MID2: variants seen among roughly 807,000 people sequenced by gnomAD.
MID2 encodes midline 2.
A neutral mutation model predicts 46.1 loss-of-function variants in MID2; 13 were observed. The ratio of observed to expected loss-of-function variants is 0.28; its 90% confidence interval spans 0.18 to 0.45. The LOEUF is 0.45. Among genes scored for constraint, MID2 ranks in the 20% least tolerant of loss-of-function variants. The pLI is 1.00. For missense variants in MID2, 431 were observed against 575.4 expected (o/e 0.75, Z 2.57); for synonymous variants, 199 against 212.3 (o/e 0.94, Z 0.55).
chrX:107,840,511 G>A (rs1326029090), intron 1 of MID2, among the ~76,000 whole-genome samples, 159 bp from the exon 2 acceptor site: 1 of 112,411 alleles, frequency 8.9e-6, no homozygotes. Context: ...GTTTGAAGGG[G>A]AAGAAAGTCT....
chrX:107,879,363 C>T (rs897419199), intron 3 of MID2, among the ~76,000 whole-genome samples: 4 of 111,471 alleles, frequency 3.6e-5, no homozygotes, highest in South Asian at 3.8e-4. Flanking sequence ...GAAAAGGGGA[C>T]GGAGCAGGAA....
intron 3 of MID2, among the ~76,000 whole-genome samples, chrX:107,885,574 A>G (rs942760573): frequency 3.6e-5 from 4 of 111,457 alleles, no homozygotes; most frequent in Non-Finnish European, 7.5e-5. Flanking sequence ...TAGTGCCACA[A>G]TAAACATACG....
chrX:107,861,136 C>T (rs1388996302), intron 3 of MID2, among the ~76,000 whole-genome samples: 1 of 111,046 alleles, frequency 9.0e-6, no homozygotes, highest in African/African-American at 3.3e-5. Flanking sequence ...AGTCAAGAGA[C>T]GAGGAAAACC....
intron 3 of MID2, among the ~76,000 whole-genome samples, chrX:107,874,620 CT>C (rs1932157247): frequency 9.1e-6 from 1 of 110,394 alleles, no homozygotes; most frequent in Non-Finnish European, 1.9e-5. Context: ...GCAAGGTTTG[CT>C]TTAGTTGGTC....
chrX:107,884,715 C>T (rs1437319156), intron 3 of MID2, among the ~76,000 whole-genome samples: 1 of 112,238 alleles, frequency 8.9e-6, no homozygotes, highest in East Asian at 2.8e-4. Flanking sequence ...AAAAACAGGG[C>T]AGATTAGAAT....
rs779150417 is a variant in MID2, at chrX:107,905,608, C to G, written c.1055C>G (p.Ala352Gly). The G allele has an allele frequency of 8.4e-7, 1 of 1,196,923 alleles. No homozygotes were observed. The highest frequency in any genetic ancestry group is 1.1e-6 in the Non-Finnish European group (1 of 889,727). ...ENDQARFLQS[A>G]KNIAERVAMA... ...GACCAGGCACGGTTTCTACAGTCTG[C>G]AAAAAATATTGCTGAGAGGTCAGTT... is the stretch of plus-strand genomic sequence containing the variant. The change falls in exon 5 of 10, where the codon GCA becomes GGA. Residue 352 changes from alanine (A) to glycine (G), a missense_variant. By Grantham distance (60) the Ala-to-Gly change is moderately conservative. Transcript: ENST00000262843.
chrX:107,845,506 C>A (rs1043223969), intron 2 of MID2, among the ~76,000 whole-genome samples: 1 of 93,946 alleles, frequency 1.1e-5, no homozygotes, highest in Non-Finnish European at 2.0e-5. Context: ...CACACACACA[C>A]ACACACACAC....
Position 107,854,606 on chromosome X carries a change from C to G in MID2, c.721-3C>G. ...TCTGGATTCATACCCTCTGCGATGACAGCAAACTCTGGAGATGAACCTCAC... is the reference window on the plus strand; with the variant it reads ...TCTGGATTCATACCCTCTGCGATGAGAGCAAACTCTGGAGATGAACCTCAC... On this transcript the variant is annotated splice_polypyrimidine_tract_variant and splice_region_variant and intron_variant, in intron 2 of 9. Coordinates refer to ENST00000262843, the MANE Select transcript of MID2 (RefSeq NM_012216.4). 8.3e-7 allele frequency: 1 copy of G among 1,203,231 alleles called. No homozygotes were observed. Among genetic ancestry groups the G allele is most frequent in the Non-Finnish European group, 1.1e-6 (1 of 887,903 alleles).
At chrX:107,836,284 C>T (rs1434365833) in intron 1 of MID2, among the ~76,000 whole-genome samples, 1 of 110,437 alleles carries the variant, frequency 9.1e-6, no homozygotes, top group Non-Finnish European at 1.9e-5. Flanking sequence ...GAGACGGAGC[C>T]TCGCTCTGTT....
chrX:107,858,926 T>C (rs919190190), intron 3 of MID2, among the ~76,000 whole-genome samples: 1 of 111,934 alleles, frequency 8.9e-6, no homozygotes, highest in East Asian at 2.8e-4. Context: ...CACTGCTCTT[T>C]AGCATTAGGA....
intron 5 of MID2, among the ~76,000 whole-genome samples, chrX:107,915,223 A>G (rs1038792286): frequency 6.2e-5 from 7 of 112,268 alleles, no homozygotes; most frequent in African/African-American, 2.3e-4. Flanking sequence ...TCATAGCACT[A>G]TACAATCTGA....
rs771130042 is a variant in MID2 at position 107,899,162 on chromosome X, T to G, written c.817-4796T>G. On this transcript the variant is annotated intron_variant, in intron 3 of 9. Coordinates refer to ENST00000262843, the MANE Select transcript of MID2 (RefSeq NM_012216.4). Reference sequence around the variant, plus strand: ...TAACTATAGAATGAGCAATGGAATATCTCCCCTGCCCCCTCCCCCTCCCCC... The same window carrying G: ...TAACTATAGAATGAGCAATGGAATAGCTCCCCTGCCCCCTCCCCCTCCCCC... Among the ~76,000 whole-genome samples the G allele has an allele frequency of 5.9e-3, 598 of 101,153 alleles. 16 individuals carry two copies. Among genetic ancestry groups the G allele is most frequent in the African/African-American group, 0.022 (561 of 25,494 alleles). 87.8% of individuals were successfully genotyped at this position (101,153 alleles called of 115,157 possible). A position where few individuals can be genotyped will look rare whatever the true frequency, so the allele number is the denominator to read the frequency against.
Position 107,924,332 on chromosome X carries a change from C to T in MID2, c.1436-11C>T. On this transcript the variant is annotated splice_polypyrimidine_tract_variant and intron_variant, in intron 7 of 9. Coordinates refer to ENST00000262843, the MANE Select transcript of MID2 (RefSeq NM_012216.4). ...TGCTGGTTAATGTCCTTGTCTTTCC[C>T]CATGTTACAGGCCTGTATAATTCAG... is the stretch of plus-strand genomic sequence containing the variant. The T allele has an allele frequency of 1.7e-6, 2 of 1,196,612 alleles. No homozygotes were observed. The highest frequency in any genetic ancestry group is 2.3e-6 in the Non-Finnish European group (2 of 885,144).
intron 3 of MID2, among the ~76,000 whole-genome samples, chrX:107,878,840 C>T (rs759889308): frequency 8.9e-6 from 1 of 112,454 alleles, no homozygotes; most frequent in South Asian, 3.7e-4. Context: ...TTTGCATTTA[C>T]TCACCCTTCT....
chrX:107,878,370 G>A (rs892369608), intron 3 of MID2, among the ~76,000 whole-genome samples: 3 of 102,246 alleles, frequency 2.9e-5, no homozygotes, highest in African/African-American at 1.1e-4. Flanking sequence ...GTCTGCAGCT[G>A]TTGGGGTGGG....
At chrX:107,850,039 C>T (rs758891032) in intron 2 of MID2, among the ~76,000 whole-genome samples, 8 of 111,993 alleles carry the variant, frequency 7.1e-5, no homozygotes, top group Admixed American at 3.8e-4. Context: ...TTGCACTAAC[C>T]GGGCTTGAAC....
At chrX:107,901,462 T>C (rs1272382750) in intron 3 of MID2, among the ~76,000 whole-genome samples, 1 of 111,683 alleles carries the variant, frequency 9.0e-6, no homozygotes, top group Non-Finnish European at 1.9e-5. Context: ...TTACTGAGTT[T>C]AGGGTAACTT....
At chrX:107,850,959 G>C (rs1931598143) in intron 2 of MID2, among the ~76,000 whole-genome samples, 1 of 112,134 alleles carries the variant, frequency 8.9e-6, no homozygotes, top group Non-Finnish European at 1.9e-5. Context: ...ATGTTTGAAT[G>C]GAAATGCATT....
At chrX:107,874,955 C>A (rs1354862290) in intron 3 of MID2, among the ~76,000 whole-genome samples, 2 of 111,072 alleles carry the variant, frequency 1.8e-5, no homozygotes, top group Admixed American at 1.9e-4. Context: ...TTGAGAAGAG[C>A]CTTACTACCC....
Sources: allele counts gnomAD v4.1 joint callset (sites outside exome capture counted in the v4.1 genomes callset), GRCh38; gene constraint gnomAD v4.1.1; transcripts MANE v1.5; gene names NCBI Gene and HGNC (gene_info 2026-07-23, HGNC 2026-07-21).